The following CLK1 variants were observed in gnomAD, a reference collection of about 807,000 sequenced individuals.
CLK1 encodes the protein dual specificity protein kinase CLK1.
Under a neutral mutation model 60.9 loss-of-function variants are expected in CLK1, and 40 were observed. The ratio of observed to expected loss-of-function variants is 0.66; its 90% CI spans 0.51 to 0.86. The LOEUF is 0.86. Ranked by LOEUF, CLK1 falls within the 40% of genes least tolerant of loss-of-function variation. The pLI is 0.00. For missense variants in CLK1, 563 were observed against 606.1 expected, an observed-to-expected ratio of 0.93 and a Z score of 0.75; for synonymous variants, 203 against 184.4, an observed-to-expected ratio of 1.10 and a Z score of -0.82.
At chr2:200,855,623 C>T (rs568891977) in intron 9 of CLK1, among the ~76,000 whole-genome samples, 2 of 147,204 alleles carry the variant, frequency 1.4e-5, no homozygotes, top group Non-Finnish European at 3.0e-5. Flanking sequence ...AGACTCCGCC[C>T]CCCCCCCAAA....
intron 3 of CLK1, chr2:200,860,676 G>A: frequency 2.0e-6 from 2 of 995,698 alleles, no homozygotes; most frequent in Non-Finnish European, 2.4e-6. Context: ...TAAAATTAAA[G>A]TGCTAATTTT....
chr2:200,860,746 C>G, intron 3 of CLK1: 1 of 1,002,722 alleles, frequency 1.0e-6, no homozygotes, highest in Non-Finnish European at 1.2e-6. Context: ...GTCATCTGAG[C>G]TGATCTCCAT....
At chr2:200,858,121 G>T in intron 5 of CLK1, 32 bp from the exon 6 acceptor site, 1 of 1,334,328 alleles carries the variant, frequency 7.5e-7, no homozygotes, top group South Asian at 1.2e-5. Flanking sequence ...ATTTAAGAAT[G>T]ACAGACATGA....
intron 11 of CLK1, 71 bp from the exon 12 acceptor site, chr2:200,854,064 T>TG: frequency 1.0e-6 from 1 of 962,310 alleles, no homozygotes. Context: ...AGGTATCAAT[T>TG]ACTATGCTTT....
At position 200,853,384 on chromosome 2, in the gene CLK1, C is replaced by T. The variant is rs1288866236; in HGVS notation, c.1377G>A (p.Glu459=). 1 of 1,613,154 alleles carries T rather than the reference C, an allele frequency of 6.2e-7. No individual in the cohort carries two copies. The highest frequency in any genetic ancestry group is 1.7e-5 in the Admixed American group (1 of 59,968). ...GAGTAATTCTTTTGGCTGGATCATA[C>T]TCCAACATTTTCTGAATGAGGTCAA... The part of the protein sequence containing the change: ...RLFDLIQKML[E]YDPAKRITLR... Residue 459 remains glutamate, a synonymous_variant, in exon 13 of 13, where the codon GAG becomes GAA. Coordinates refer to ENST00000321356, the MANE Select transcript of CLK1 (RefSeq NM_004071.4).
At chr2:200,854,347 A>G (rs2039004047) in intron 11 of CLK1, among the ~76,000 whole-genome samples, 1 of 152,056 alleles carries the variant, frequency 6.6e-6, no homozygotes, top group South Asian at 2.1e-4. Context: ...CATCCTGGCT[A>G]ACATGGTGAA....
intron 1 of CLK1, among the ~76,000 whole-genome samples, chr2:200,863,435 G>GT (rs1013739907): frequency 3.9e-5 from 6 of 152,134 alleles, no homozygotes; most frequent in Non-Finnish European, 8.8e-5. Context: ...GCGCGCGCCT[G>GT]TAGTCCCAAC....
intron 1 of CLK1, 119 bp downstream of exon 1, chr2:200,864,445 G>A (rs2039196909): frequency 9.0e-6 from 5 of 555,708 alleles, no homozygotes; most frequent in South Asian, 3.0e-5. Flanking sequence ...AAGGGAGCAG[G>A]CAGTCGTCGC....
intron 3 of CLK1, chr2:200,860,803 G>GT: frequency 1.9e-6 from 2 of 1,027,154 alleles, no homozygotes; most frequent in Non-Finnish European, 2.3e-6. Flanking sequence ...GGTTTGCTTA[G>GT]TGAAAGAAGG....
intron 11 of CLK1, 41 bp from the exon 12 acceptor site, chr2:200,854,034 A>G: frequency 7.3e-7 from 1 of 1,361,426 alleles, no homozygotes; most frequent in Non-Finnish European, 1.0e-6. Flanking sequence ...ATAACACTGA[A>G]AACTTAAAAC....
intron 1 of CLK1, chr2:200,864,071 C>G (rs1267885518): frequency 1.2e-5 from 19 of 1,543,014 alleles, no homozygotes; most frequent in Non-Finnish European, 1.7e-5. Context: ...AACTGTAACC[C>G]CTACGGGTTC....
At chr2:200,859,583 A>G (rs187465273) in intron 5 of CLK1, 97 bp downstream of exon 5, 156 of 863,864 alleles carry the variant, frequency 1.8e-4, no homozygotes, top group Non-Finnish European at 2.5e-4. Flanking sequence ...GGGTATAAAG[A>G]TATGTATCTA....
chr2:200,855,974 A>G (rs2039033648), intron 9 of CLK1, among the ~76,000 whole-genome samples: 1 of 151,338 alleles, frequency 6.6e-6, no homozygotes, highest in Admixed American at 6.6e-5. Context: ...GCACCACTGC[A>G]CTCCAGCCTG....
chr2:200,854,493 G>A (rs186014053), intron 11 of CLK1, 123 bp downstream of exon 11: 4 of 624,164 alleles, frequency 6.4e-6, no homozygotes, highest in East Asian at 2.8e-5. Context: ...CCGAGGTCAC[G>A]CCACTGCACT....
chr2:200,855,579 C>G (rs1340117576), intron 9 of CLK1, among the ~76,000 whole-genome samples: 2 of 151,468 alleles, frequency 1.3e-5, no homozygotes, highest in East Asian at 1.9e-4. Flanking sequence ...GAGCCGAGAT[C>G]GCGCCACTGC....
At chr2:200,860,404 G>C in intron 3 of CLK1, 189 bp from the exon 4 acceptor site, 1 of 1,309,658 alleles carries the variant, frequency 7.6e-7, no homozygotes, top group Non-Finnish European at 9.7e-7. Context: ...CATAGTTTAT[G>C]TTAACAGGAG....
chr2:200,854,434 G>A (rs972234139), intron 11 of CLK1, among the ~76,000 whole-genome samples, 182 bp downstream of exon 11: 4 of 151,828 alleles, frequency 2.6e-5, no homozygotes, highest in Non-Finnish European at 4.4e-5. Flanking sequence ...TACTCGGGAG[G>A]CTGAGACAGG....
rs920026212 is a variant in CLK1, at chr2:200,855,206, T to C, written c.1058-120A>G. 7.2e-6 allele frequency: 5 copies of C among 696,154 alleles called. No homozygotes were observed. The African/African-American group carries it at 7.3e-5, about 10-fold the overall frequency. 43.1% of individuals were successfully genotyped at this position (696,154 alleles called of 1,614,324 possible). On this transcript the variant is annotated intron_variant, in intron 9 of 12. Coordinates refer to ENST00000321356, the MANE Select transcript of CLK1 (RefSeq NM_004071.4). ...CACATGTAATGTAGGCTGGGCACAG[T>C]GGCTCACACCTGTAATCCCAGCACT...
At chr2:200,857,260 TGC>T in intron 7 of CLK1, 1 of 400,134 alleles carries the variant, frequency 2.5e-6, no homozygotes. Flanking sequence ...GAGTGAAGAC[TGC>T]GCCACTGCAC....
Sources: allele counts gnomAD v4.1 joint callset (sites outside exome capture counted in the v4.1 genomes callset), GRCh38; gene constraint gnomAD v4.1.1; transcripts MANE v1.5; gene names NCBI Gene and HGNC (gene_info 2026-07-23, HGNC 2026-07-21).